Variants in ZNF362 observed in about 807,000 individuals in gnomAD.
ZNF362 encodes the protein rotund homolog.
A neutral mutation model predicts 42.9 loss-of-function variants in ZNF362; 11 were observed. The ratio of observed to expected loss-of-function variants is 0.26; its 90% CI spans 0.16 to 0.42. The LOEUF is 0.42. Among genes scored for constraint, ZNF362 ranks in the 20% least tolerant of loss-of-function variants. The probability of loss-of-function intolerance (pLI) is 1.00; values close to 1 mark genes in which losing one functional copy is unlikely to be tolerated. For synonymous variants in ZNF362, 255 were observed against 257.3 expected (o/e 0.99, Z 0.09); for missense variants, 362 against 576.2 (o/e 0.63, Z 3.81).
chr1:33,133,123 T>C, the ZNF362 span, among the ~76,000 whole-genome samples: 1 of 152,104 alleles, frequency 6.6e-6, no homozygotes, highest in Non-Finnish European at 1.5e-5. Flanking sequence ...CCTTGGCCCA[T>C]AGTCACTTAC....
At chr1:33,293,424 A>G (rs1242640038) in intron 6 of ZNF362, among the ~76,000 whole-genome samples, 4 of 152,158 alleles carry the variant, frequency 2.6e-5, no homozygotes, top group South Asian at 2.1e-4. Flanking sequence ...ATGGCAGCCA[A>G]TGGGCTTATT....
chr1:33,219,430 G>A, the ZNF362 span, among the ~76,000 whole-genome samples: 4 of 152,208 alleles, frequency 2.6e-5, no homozygotes, highest in Admixed American at 6.5e-5. Flanking sequence ...GTCTAAGAAA[G>A]ATTCACTGGG....
At chr1:33,213,646 A>C in the ZNF362 span, among the ~76,000 whole-genome samples, 1 of 152,142 alleles carries the variant, frequency 6.6e-6, no homozygotes, top group Non-Finnish European at 1.5e-5. Flanking sequence ...AGAGATCGAG[A>C]CCATCCTGGC....
the ZNF362 span, among the ~76,000 whole-genome samples, chr1:33,219,728 C>A: frequency 6.6e-6 from 1 of 152,088 alleles, no homozygotes; most frequent in African/African-American, 2.4e-5. Context: ...GCTGGAGGGA[C>A]TTCCAGGATG....
the ZNF362 span, chr1:33,142,569 G>A: frequency 6.6e-6 from 1 of 152,256 alleles, no homozygotes; most frequent in Non-Finnish European, 1.5e-5. Context: ...GGGAAGGAGA[G>A]AGACTTGCTC....
the ZNF362 span, chr1:33,180,984 G>T: frequency 9.3e-7 from 1 of 1,072,434 alleles, no homozygotes. Context: ...CCCACCTCCA[G>T]CCCGGCCCCG....
the ZNF362 span, among the ~76,000 whole-genome samples, chr1:33,132,400 G>A: frequency 6.6e-6 from 1 of 152,230 alleles, no homozygotes; most frequent in South Asian, 2.1e-4. Flanking sequence ...GATTGGACAT[G>A]GCTGTGTTTC....
intron 6 of ZNF362, among the ~76,000 whole-genome samples, chr1:33,282,400 C>G (rs1326335281): frequency 6.6e-6 from 1 of 152,196 alleles, no homozygotes; most frequent in Non-Finnish European, 1.5e-5. Flanking sequence ...AACTTTTACT[C>G]TATGCCAGAC....
chr1:33,184,041 GA>G, the ZNF362 span, among the ~76,000 whole-genome samples: 185 of 147,372 alleles, frequency 1.3e-3, no homozygotes, highest in Admixed American at 3.5e-3. Context: ...GAAATGAAAT[GA>G]AAAAAAAAAA....
upstream of ZNF362, among the ~76,000 whole-genome samples, chr1:33,254,587 G>A (rs976702118): frequency 2.0e-5 from 3 of 152,178 alleles, no homozygotes; most frequent in African/African-American, 7.2e-5. Context: ...TTATTGGGAG[G>A]AAGACCACAA....
At chr1:33,259,302 G>A (rs929363596) in intron 1 of ZNF362, among the ~76,000 whole-genome samples, 3 of 152,148 alleles carry the variant, frequency 2.0e-5, no homozygotes. Flanking sequence ...AACGGCCAGC[G>A]CTCCATGGAG....
the ZNF362 span, among the ~76,000 whole-genome samples, chr1:33,245,781 T>C: frequency 6.6e-6 from 1 of 152,108 alleles, no homozygotes; most frequent in Non-Finnish European, 1.5e-5. Context: ...CTACAAAAAA[T>C]TTTTAAAAAT....
chr1:33,232,843 T>A, the ZNF362 span, among the ~76,000 whole-genome samples: 1 of 152,234 alleles, frequency 6.6e-6, no homozygotes, highest in Non-Finnish European at 1.5e-5. Flanking sequence ...GACACTTGTC[T>A]GCTTCTTCAA....
At chr1:33,189,718 T>TAC in the ZNF362 span, among the ~76,000 whole-genome samples, 901 of 125,722 alleles carry the variant, frequency 7.2e-3, 75 homozygotes, top group African/African-American at 0.027. Flanking sequence ...CGTATATATA[T>TAC]ACATACACAC....
At chr1:33,145,839 C>T in the ZNF362 span, 6 of 470,744 alleles carry the variant, frequency 1.3e-5, no homozygotes, top group African/African-American at 6.0e-5. Context: ...GGGGCTTGCT[C>T]CACCCACCCT....
the ZNF362 span, chr1:33,165,656 CTGGTCTCTGTCCCCA>C: frequency 8.6e-7 from 1 of 1,166,186 alleles, no homozygotes; most frequent in South Asian, 1.7e-5. This position sits in a 1 kb window ranked among gnomAD's most constrained non-coding sequence, Gnocchi z 4.0. Flanking sequence ...GGGGGTTAGC[CTGGTCTCTGTCCCCA>C]ACCTCCAACA....
the ZNF362 span, chr1:33,146,951 A>G: frequency 1.7e-6 from 1 of 579,202 alleles, no homozygotes; most frequent in Non-Finnish European, 3.1e-6. Flanking sequence ...CCTTGGATCA[A>G]AGCTGTATCC....
the ZNF362 span, among the ~76,000 whole-genome samples, chr1:33,196,435 A>G: frequency 6.6e-6 from 1 of 152,106 alleles, no homozygotes; most frequent in Non-Finnish European, 1.5e-5. Flanking sequence ...AAACATATGC[A>G]TTAGCCTAGG....
the ZNF362 span, chr1:33,165,535 T>C: frequency 2.5e-6 from 4 of 1,610,910 alleles, no homozygotes; most frequent in East Asian, 2.2e-5. The surrounding 1 kb of genome is among the most constrained non-coding windows in gnomAD (Gnocchi z 4.0). Context: ...CTCGCTGTCT[T>C]GAAGGGCCTG....
Sources: allele counts gnomAD v4.1 joint callset (sites outside exome capture counted in the v4.1 genomes callset), GRCh38; gene constraint gnomAD v4.1.1; non-coding constraint Gnocchi (gnomAD v3.1); transcripts MANE v1.5; gene names NCBI Gene and HGNC (gene_info 2026-07-23, HGNC 2026-07-21).